BRWD1: variants seen among roughly 807,000 people sequenced by gnomAD.
BRWD1 encodes bromodomain and WD repeat-containing protein 1.
In BRWD1, 82 loss-of-function variants were observed where a neutral mutation model predicts 251.2. The ratio of observed to expected loss-of-function variants is 0.33; its 90% confidence interval spans 0.27 to 0.39. The LOEUF is 0.39. Among genes scored for constraint, BRWD1 ranks in the 10% least tolerant of loss-of-function variants. BRWD1 has a pLI of 1.00. For missense variants in BRWD1, 2,233 were observed against 2,711.6 expected (o/e 0.82, Z 3.92); for synonymous variants, 918 against 902.8 (o/e 1.02, Z -0.30).
At chr21:39,306,834 T>C (rs1347989093) in intron 4 of BRWD1, among the ~76,000 whole-genome samples, 2 of 152,206 alleles carry the variant, frequency 1.3e-5, no homozygotes, top group Admixed American at 1.3e-4. Flanking sequence ...CTTTGGTTAC[T>C]GTTTAATTGA....
In BRWD1 at chr21:39,313,511, G is replaced by A; in HGVS notation, c.-20C>T. On this transcript the variant is annotated 5_prime_UTR_variant, in exon 1 of 41. Coordinates refer to ENST00000342449, the MANE Select transcript of BRWD1 (RefSeq NM_033656.4). ...CGCCATGGCCGGGCGCGGGGCGGGAGGCGGGAGCGAGCGAGCGAGCGGAGC... is the reference window on the plus strand; with the variant it reads ...CGCCATGGCCGGGCGCGGGGCGGGAAGCGGGAGCGAGCGAGCGAGCGGAGC... 2 of 1,331,680 alleles carry A rather than the reference G, an allele frequency of 1.5e-6. No homozygotes were observed. The highest frequency in any genetic ancestry group is 1.9e-6 in the Non-Finnish European group (2 of 1,047,744). 82.5% of individuals were successfully genotyped at this position (1,331,680 alleles called of 1,614,324 possible). A position where few individuals can be genotyped will look rare whatever the true frequency, so the allele number is the denominator to read the frequency against.
In BRWD1 at chr21:39,200,334, A is replaced by G. The variant is rs763499642; in HGVS notation, c.4638T>C (p.Ser1546=). ...AACTCTCTTTGCTTTCCTCAGAACTACTGGAAGCTGACGATGACAAAGAGG... is the reference window on the plus strand; with the variant it reads ...AACTCTCTTTGCTTTCCTCAGAACTGCTGGAAGCTGACGATGACAAAGAGG... ...LATSLSSSAS[S]SSEESKESSR... The change falls in exon 39 of 41, where the codon AGT becomes AGC. Residue 1546 remains serine (S), a synonymous_variant. Transcript: ENST00000342449. 6.2e-7 allele frequency: 1 copy of G among 1,614,100 alleles called. No individual in the cohort carries two copies. The highest frequency in any genetic ancestry group is 1.3e-5 in the African/African-American group (1 of 75,054).
chr21:39,250,702 C>G (rs2034366147), intron 20 of BRWD1, 94 bp downstream of exon 20: 1 of 784,234 alleles, frequency 1.3e-6, no homozygotes, highest in Non-Finnish European at 2.0e-6. Context: ...TACTCCACTT[C>G]AGATGAAAGT....
At chr21:39,302,345 T>C (rs1318490797) in intron 4 of BRWD1, among the ~76,000 whole-genome samples, 1 of 151,984 alleles carries the variant, frequency 6.6e-6, no homozygotes, top group Non-Finnish European at 1.5e-5. Flanking sequence ...TTACCACAAA[T>C]AGGTCCCATG....
intron 15 of BRWD1, among the ~76,000 whole-genome samples, chr21:39,266,101 G>A (rs1252912773): frequency 6.6e-6 from 1 of 152,040 alleles, no homozygotes; most frequent in Admixed American, 6.6e-5. Flanking sequence ...CATCTACTCA[G>A]TAACTGCCAG....
intron 15 of BRWD1, among the ~76,000 whole-genome samples, chr21:39,269,174 T>C (rs1601424401): frequency 1.3e-5 from 2 of 152,054 alleles, no homozygotes; most frequent in South Asian, 4.1e-4. Context: ...ACTATAATTA[T>C]GATTATGTGG....
chr21:39,187,478 T>TGCTA lies in BRWD1; in HGVS notation c.*8777_*8780dup. 1 of 1,498,066 alleles carries TGCTA rather than the reference T, an allele frequency of 6.7e-7. No individual in the cohort carries two copies. Among genetic ancestry groups the TGCTA allele is most frequent in the Non-Finnish European group, 8.9e-7 (1 of 1,127,778 alleles). The allele number at this position is 1,498,066 out of a possible 1,614,324, so 92.8% of individuals were successfully genotyped here. A position where few individuals can be genotyped will look rare whatever the true frequency, so the allele number is the denominator to read the frequency against. On this transcript the variant is annotated 3_prime_UTR_variant, in exon 41 of 41. Transcript: ENST00000342449. ...ATCTTGTAACACAAGATTTTACTAC[T>TGCTA]GCTAACATTCCTCAACAACACTCAT...
intron 21 of BRWD1, among the ~76,000 whole-genome samples, chr21:39,245,518 C>T (rs896460978): frequency 2.0e-5 from 3 of 151,922 alleles, no homozygotes; most frequent in Middle Eastern, 3.2e-3. Flanking sequence ...ATGAACTTTT[C>T]AGTCATATCT....
At chr21:39,249,821 G>C (rs920264673) in intron 20 of BRWD1, among the ~76,000 whole-genome samples, 1 of 151,584 alleles carries the variant, frequency 6.6e-6, no homozygotes, top group African/African-American at 2.4e-5. Context: ...TAGAAAATCT[G>C]GTAAAACATA....
At chr21:39,253,659 A>T (rs1409810417) in intron 19 of BRWD1, among the ~76,000 whole-genome samples, 1 of 152,154 alleles carries the variant, frequency 6.6e-6, no homozygotes, top group Non-Finnish European at 1.5e-5. Context: ...GTCCTTCCCA[A>T]ATTCACAGAA....
At position 39,298,470 on chromosome 21, in the gene BRWD1, A is replaced by T. The variant is rs1601489840; in HGVS notation, c.311T>A (p.Leu104His). The T allele has an allele frequency of 2.5e-6, 4 of 1,607,782 alleles. No homozygotes were observed. The highest frequency in any genetic ancestry group is 3.4e-6 in the Non-Finnish European group (4 of 1,177,928). ...TAGCAAAGACTGCCTTCCTGCACCA[A>T]GTAAAGAAGTGACTCTTGAAATACT... ...PPSISRVTSL[L>H]GAGRQSLLRT... is the part of the protein sequence containing the mutation. The change falls in exon 5 of 41, where the codon CTT becomes CAT. Residue 104 changes from leucine (L) to histidine (H), a missense_variant. By Grantham distance (99) the Leu-to-His change is moderately conservative (BLOSUM62 -3). This residue lies in a region of BRWD1 where 185 missense variants were observed against 260.6 expected (regional missense o/e 0.71). Transcript: ENST00000342449.
chr21:39,185,307 A>AT (rs1243138212), downstream of BRWD1: 2 of 149,666 alleles, frequency 1.3e-5, no homozygotes, highest in African/African-American at 4.9e-5. Flanking sequence ...AAAAAAAAAA[A>AT]AAAAAAAAAA....
intron 40 of BRWD1, 86 bp from the exon 41 acceptor site, chr21:39,197,501 G>A (rs1053070029): frequency 5.2e-5 from 59 of 1,143,460 alleles, no homozygotes; most frequent in Admixed American, 9.7e-5. Context: ...TTCAGAATTC[G>A]TATTAATTTG....
intron 36 of BRWD1, among the ~76,000 whole-genome samples, chr21:39,207,027 C>G (rs1032370581): frequency 6.6e-6 from 1 of 152,108 alleles, no homozygotes; most frequent in African/African-American, 2.4e-5. Context: ...GTGAGATATA[C>G]GAATTTCTTA....
chr21:39,258,245 A>G (rs1253742827), intron 18 of BRWD1, among the ~76,000 whole-genome samples: 1 of 152,212 alleles, frequency 6.6e-6, no homozygotes, highest in African/African-American at 2.4e-5. Context: ...CCTATTTAAT[A>G]CAATTTTGTA....
At chr21:39,247,559 AAC>A in intron 21 of BRWD1, 140 bp downstream of exon 21, 1 of 912,128 alleles carries the variant, frequency 1.1e-6, no homozygotes, top group East Asian at 2.9e-5. Context: ...AGTTTTTGTT[AAC>A]ATTCAAAATG....
At chr21:39,237,653 A>T (rs1180398469) in intron 22 of BRWD1, among the ~76,000 whole-genome samples, 6 of 152,198 alleles carry the variant, frequency 3.9e-5, no homozygotes, top group Non-Finnish European at 8.8e-5. Context: ...GTTGCCAGGG[A>T]CATGAGGAAG....
chr21:39,218,925 G>A (rs1362066623), intron 29 of BRWD1, among the ~76,000 whole-genome samples: 3 of 152,006 alleles, frequency 2.0e-5, no homozygotes, highest in Non-Finnish European at 4.4e-5. Context: ...ATTTCTTCAA[G>A]GAGGCAAACT....
chr21:39,281,630 G>A (rs1005640367), intron 8 of BRWD1, among the ~76,000 whole-genome samples: 8 of 152,212 alleles, frequency 5.3e-5, no homozygotes, highest in Non-Finnish European at 1.0e-4. Flanking sequence ...AGAAGTTTGA[G>A]GCCAGCCTGG....
Sources: gnomAD v4.1 joint callset for allele counts (sites outside exome capture counted in the v4.1 genomes callset) on GRCh38, gnomAD v4.1.1 for gene constraint, gnomAD v4.1.1 regional missense constraint, MANE v1.5 for transcripts, NCBI Gene and HGNC (gene_info 2026-07-23, HGNC 2026-07-21) for gene names.